Variants in HS2ST1 observed in about 807,000 individuals in gnomAD.
The protein encoded by HS2ST1 is 2-O-sulfotransferase.
In HS2ST1, 18 loss-of-function variants were observed where a neutral mutation model predicts 42.9. The observed-to-expected ratio is 0.42, with a 90% CI of 0.29 to 0.62. HS2ST1 has a LOEUF of 0.62. Ranked by LOEUF, HS2ST1 falls within the 20% of genes least tolerant of loss-of-function variation. The pLI, the probability that HS2ST1 is intolerant of heterozygous loss-of-function variation, is 0.21. For synonymous variants in HS2ST1, 146 were observed against 152.9 expected (o/e 0.95, Z 0.33); for missense variants, 334 against 433.8 (o/e 0.77, Z 2.04).
chr1:86,934,022 C>T (rs1176410154), intron 1 of HS2ST1, among the ~76,000 whole-genome samples: 2 of 152,138 alleles, frequency 1.3e-5, no homozygotes, highest in African/African-American at 2.4e-5. Flanking sequence ...GTTCTATAAT[C>T]TTATGATTAG....
intron 2 of HS2ST1, among the ~76,000 whole-genome samples, chr1:87,074,895 A>G (rs1350788223): frequency 6.6e-6 from 1 of 152,060 alleles, no homozygotes; most frequent in East Asian, 1.9e-4. Context: ...TTCTTTATAT[A>G]CCCTATCTCC....
intron 1 of HS2ST1, among the ~76,000 whole-genome samples, chr1:86,923,240 A>G (rs1660336830): frequency 6.6e-6 from 1 of 152,076 alleles, no homozygotes; most frequent in South Asian, 2.1e-4. Context: ...GCCCGTTTTG[A>G]CGCCCTGAGA....
intron 1 of HS2ST1, among the ~76,000 whole-genome samples, chr1:86,964,077 G>C (rs1647958178): frequency 6.6e-6 from 1 of 151,436 alleles, no homozygotes. Context: ...ATCCCACACG[G>C]GGTGGCGGGG....
chr1:86,944,474 C>T (rs1423166385), intron 1 of HS2ST1, among the ~76,000 whole-genome samples: 1 of 152,122 alleles, frequency 6.6e-6, no homozygotes, highest in Non-Finnish European at 1.5e-5. Flanking sequence ...CATACCTCAG[C>T]CTCCCGAGTA....
intron 1 of HS2ST1, among the ~76,000 whole-genome samples, chr1:86,962,196 T>C (rs952253650): frequency 7.9e-5 from 12 of 152,262 alleles, no homozygotes; most frequent in Admixed American, 1.3e-4. Flanking sequence ...GACACAAAGA[T>C]AAATTAAGCA....
At chr1:87,084,329 C>A in intron 3 of HS2ST1, 50 bp downstream of exon 3, 2 of 960,316 alleles carry the variant, frequency 2.1e-6, no homozygotes, top group Non-Finnish European at 1.6e-6. Flanking sequence ...ACTCTAGTAA[C>A]CTAAAAAGGA....
At chr1:87,004,986 AT>A (rs1649393496) in intron 1 of HS2ST1, among the ~76,000 whole-genome samples, 1 of 152,210 alleles carries the variant, frequency 6.6e-6, no homozygotes, top group African/African-American at 2.4e-5. Flanking sequence ...AGTGCCTGTT[AT>A]TTTCCATTCC....
At chr1:86,984,259 G>T (rs945204203) in intron 1 of HS2ST1, among the ~76,000 whole-genome samples, 2 of 152,164 alleles carry the variant, frequency 1.3e-5, no homozygotes, top group Non-Finnish European at 2.9e-5. Context: ...GAAGCTGAAG[G>T]TGATTTCCAA....
chr1:86,931,145 T>C (rs932567033), intron 1 of HS2ST1, among the ~76,000 whole-genome samples: 2 of 152,108 alleles, frequency 1.3e-5, no homozygotes, highest in African/African-American at 4.8e-5. Flanking sequence ...ACTATGTACA[T>C]GACGTTGAAT....
intron 1 of HS2ST1, among the ~76,000 whole-genome samples, chr1:87,002,563 G>C (rs1490605985): frequency 1.3e-5 from 2 of 149,554 alleles, no homozygotes; most frequent in Non-Finnish European, 3.0e-5. Context: ...TTGCACCACT[G>C]TACTCAAGCC....
At chr1:86,926,516 T>C (rs889001735) in intron 1 of HS2ST1, among the ~76,000 whole-genome samples, 16 of 152,242 alleles carry the variant, frequency 1.1e-4, no homozygotes, top group African/African-American at 3.9e-4. Context: ...GGAATCCTCA[T>C]ACTATGCTGA....
intron 1 of HS2ST1, among the ~76,000 whole-genome samples, chr1:86,952,481 G>A (rs1647554726): frequency 6.6e-6 from 1 of 152,168 alleles, no homozygotes; most frequent in Non-Finnish European, 1.5e-5. Flanking sequence ...CAAGTGATCT[G>A]CCTGCCCTGG....
At chr1:87,062,262 TTC>T (rs1439298247) in intron 1 of HS2ST1, among the ~76,000 whole-genome samples, 11 of 152,138 alleles carry the variant, frequency 7.2e-5, no homozygotes, top group African/African-American at 2.7e-4. Context: ...TTTTTTTCAC[TTC>T]TGTTTTCTCT....
chr1:86,933,032 A>G (rs532613409), intron 1 of HS2ST1, among the ~76,000 whole-genome samples: 1 of 152,310 alleles, frequency 6.6e-6, no homozygotes, highest in East Asian at 1.9e-4. Context: ...TTGTAAAAGT[A>G]ATTATAGAAT....
At chr1:87,020,862 G>T (rs1305770646) in intron 1 of HS2ST1, among the ~76,000 whole-genome samples, 1 of 152,116 alleles carries the variant, frequency 6.6e-6, no homozygotes. Flanking sequence ...TGAATTGGGG[G>T]TCAGGGAAAC....
At chr1:86,938,593 C>T (rs1041094403) in intron 1 of HS2ST1, among the ~76,000 whole-genome samples, 2 of 151,890 alleles carry the variant, frequency 1.3e-5, no homozygotes, top group Non-Finnish European at 2.9e-5. Context: ...GATGTTATAA[C>T]TTCTCTTTTT....
chr1:86,993,193 A>AATC (rs1649008829), intron 1 of HS2ST1: 1 of 1,541,784 alleles, frequency 6.5e-7, no homozygotes, highest in Admixed American at 1.9e-5. Flanking sequence ...AAAGCTTTTA[A>AATC]ATCCCCTGTG....
intron 1 of HS2ST1, among the ~76,000 whole-genome samples, chr1:87,014,660 G>A (rs931058178): frequency 2.0e-5 from 3 of 152,114 alleles, no homozygotes; most frequent in Non-Finnish European, 4.4e-5. Context: ...ATGCTTGCAC[G>A]CTTGATAAAA....
At chr1:87,067,300 AT>A (rs1468212645) in intron 1 of HS2ST1, among the ~76,000 whole-genome samples, 3 of 151,950 alleles carry the variant, frequency 2.0e-5, no homozygotes, top group Non-Finnish European at 4.4e-5. Context: ...TGTGGTTTTG[AT>A]TTGCATTTCT....
Sources: allele counts gnomAD v4.1 joint callset (sites outside exome capture counted in the v4.1 genomes callset), GRCh38; gene constraint gnomAD v4.1.1; transcripts MANE v1.5; gene names NCBI Gene and HGNC (gene_info 2026-07-23, HGNC 2026-07-21).